Variants in NSD1 observed in about 807,000 individuals in gnomAD.
NSD1 encodes nuclear receptor binding SET domain protein 1, also known as histone-lysine N-methyltransferase, H3 lysine-36 specific.
A neutral mutation model predicts 242.7 loss-of-function variants in NSD1; 26 were observed. The ratio of observed to expected loss-of-function variants is 0.11; its 90% CI spans 0.08 to 0.15. NSD1 has a LOEUF of 0.15. Ranked by LOEUF, NSD1 falls within the 10% of genes least tolerant of loss-of-function variation. The pLI, the probability that NSD1 is intolerant of heterozygous loss-of-function variation, is 1.00. For synonymous variants in NSD1, 1,106 were observed against 1,178.1 expected, an observed-to-expected ratio of 0.94 and a Z score of 1.25; for missense variants, 2,495 against 3,272.8, an observed-to-expected ratio of 0.76 and a Z score of 5.80.
At chr5:177,219,019 A>G (rs1189373707) in intron 5 of NSD1, among the ~76,000 whole-genome samples, 1 of 151,724 alleles carries the variant, frequency 6.6e-6, no homozygotes, top group Non-Finnish European at 1.5e-5. Context: ...TCATTTCTAT[A>G]TGCTCTAGTC....
intron 2 of NSD1, among the ~76,000 whole-genome samples, chr5:177,158,948 A>G (rs140815084): frequency 2.1e-4 from 30 of 144,414 alleles, no homozygotes; most frequent in South Asian, 4.2e-4. Flanking sequence ...GTATATATAC[A>G]CACATATATA....
At chr5:177,136,977 A>T (rs560628660) in intron 2 of NSD1, 3 of 681,402 alleles carry the variant, frequency 4.4e-6, no homozygotes, top group Non-Finnish European at 8.0e-6. Flanking sequence ...TGAAGTGTGT[A>T]TGTGTATGTG....
Position 177,211,153 on chromosome 5 carries a change from T to C in NSD1, c.2754T>C (p.His918=), listed in dbSNP as rs1241737150. The change falls in exon 5 of 23, where the codon CAT becomes CAC. Residue 918 remains histidine (H), a synonymous_variant. Coordinates refer to ENST00000439151, the MANE Select transcript of NSD1 (RefSeq NM_022455.5). ...TGCTAATGATGTTGAAAGATATGCA[T>C]GATAGTAAGACGAAGGAGCAGCGGT... The part of the protein sequence containing the change: ...STLLMMLKDM[H]DSKTKEQRLM... The C allele has an allele frequency of 6.2e-7, 1 of 1,614,076 alleles. No homozygotes were observed. Among genetic ancestry groups the C allele is most frequent in the Non-Finnish European group, 8.5e-7 (1 of 1,180,026 alleles).
intron 21 of NSD1, 26 bp from the exon 22 acceptor site, chr5:177,291,928 C>T (rs1194601142): frequency 6.2e-7 from 1 of 1,604,634 alleles, no homozygotes; most frequent in South Asian, 1.1e-5. Context: ...TCACAGAATG[C>T]TGACTGTTCA....
intron 5 of NSD1, among the ~76,000 whole-genome samples, chr5:177,224,078 G>T (rs1476451765): frequency 6.6e-6 from 1 of 152,198 alleles, no homozygotes; most frequent in Non-Finnish European, 1.5e-5. Flanking sequence ...TAATTTTACT[G>T]TGTTTCTGAA....
At chr5:177,201,562 CTT>C (rs754318510) in intron 3 of NSD1, among the ~76,000 whole-genome samples, 7 of 127,264 alleles carry the variant, frequency 5.5e-5, no homozygotes, top group Admixed American at 8.0e-5. Context: ...TAACTGTTTA[CTT>C]TTTTTTTTTT....
At chr5:177,194,599 T>TC (rs1167890356) in intron 3 of NSD1, among the ~76,000 whole-genome samples, 1 of 145,646 alleles carries the variant, frequency 6.9e-6, no homozygotes, top group African/African-American at 2.7e-5. Flanking sequence ...TTTTTTTTTT[T>TC]TTTAAAAAGG....
intron 5 of NSD1, among the ~76,000 whole-genome samples, chr5:177,216,535 T>G (rs1165522449): frequency 2.0e-5 from 3 of 152,126 alleles, no homozygotes; most frequent in Non-Finnish European, 4.4e-5. Flanking sequence ...AGAGTTCATC[T>G]TCGTTCTTCA....
intron 2 of NSD1, among the ~76,000 whole-genome samples, chr5:177,143,698 T>TC: frequency 6.6e-6 from 1 of 152,272 alleles, no homozygotes; most frequent in Non-Finnish European, 1.5e-5. Flanking sequence ...AGAAGTCCCT[T>TC]AATGTCTCTA....
chr5:177,185,691 T>C (rs1236044851), intron 2 of NSD1, among the ~76,000 whole-genome samples: 1 of 118,078 alleles, frequency 8.5e-6, no homozygotes, highest in Non-Finnish European at 1.6e-5. Flanking sequence ...ATATATTTGT[T>C]TTTTATTATA....
chr5:177,238,932 T>C lies in NSD1; in HGVS notation c.4192+425T>C, dbSNP rs1304222414. ...ATAAATGGAGATCATAATGTATTAA[T>C]GTGTAATGTTATATACCTGACAACA... On this transcript the variant is annotated intron_variant, in intron 7 of 22. Transcript: ENST00000439151. The surrounding 1 kb of genome is among the most constrained non-coding windows in gnomAD (Gnocchi z 4.6). 1.3e-5 allele frequency among the ~76,000 whole-genome samples: 2 copies of C among 152,216 alleles called. No individual in the cohort carries two copies. The highest frequency in any genetic ancestry group is 2.1e-4 in the South Asian group (1 of 4,830).
chr5:177,209,586 C>T, intron 4 of NSD1, 50 bp from the exon 5 acceptor site: 2 of 1,390,098 alleles, frequency 1.4e-6, no homozygotes, highest in Non-Finnish European at 2.0e-6. Context: ...CCCTTTTCCC[C>T]CACCCATTTC....
rs1470206316 is a variant in NSD1, at chr5:177,155,013, CAG to C, written c.927+18986_927+18987del. Among the ~76,000 whole-genome samples the C allele has an allele frequency of 2.1e-5, 3 of 141,556 alleles. No homozygotes were observed. The Admixed American group carries it at 2.2e-4, about 10-fold the overall frequency. 92.9% of individuals were successfully genotyped at this position (141,556 alleles called of 152,430 possible). A position where few individuals can be genotyped will look rare whatever the true frequency, so the allele number is the denominator to read the frequency against. ...GCCCGGCAATTTTTTTTTTTTGAGT[CAG>C]AGTCTTGTTCTGTTGCCCAAGTTGG... On this transcript the variant is annotated intron_variant, in intron 2 of 22. Coordinates refer to ENST00000439151, the MANE Select transcript of NSD1 (RefSeq NM_022455.5).
chr5:177,172,490 A>G (rs929768829), intron 2 of NSD1, among the ~76,000 whole-genome samples: 31 of 152,328 alleles, frequency 2.0e-4, no homozygotes, highest in African/African-American at 7.2e-4. Flanking sequence ...GTGACTTTGA[A>G]GTAACATGAA....
rs748847060 is a variant in NSD1 at position 177,209,940 on chromosome 5, G to A, written c.1541G>A (p.Gly514Asp). Residue 514 changes from glycine (G) to aspartate (D), a missense_variant, in exon 5 of 23, where the codon GGC becomes GAC. Physicochemically the swap from Gly to Asp is moderately conservative, Grantham distance 94. Coordinates refer to ENST00000439151, the MANE Select transcript of NSD1 (RefSeq NM_022455.5). ...DNPKRTSVKKGHIQFEAHKDE... is the reference protein window; with the variant it reads ...DNPKRTSVKKDHIQFEAHKDE... ...CCAAAAAGGACTAGTGTGAAAAAGG[G>A]CCACATACAATTTGAAGCACATAAA... 6.2e-7 allele frequency: 1 copy of A among 1,613,934 alleles called. No individual in the cohort carries two copies.
intron 3 of NSD1, among the ~76,000 whole-genome samples, chr5:177,195,314 C>G (rs1334361132): frequency 6.6e-6 from 1 of 152,090 alleles, no homozygotes; most frequent in Non-Finnish European, 1.5e-5. Context: ...GAGACACTTT[C>G]TCTTTAATTC....
intron 14 of NSD1, among the ~76,000 whole-genome samples, chr5:177,262,658 C>T (rs1293252529): frequency 2.6e-5 from 4 of 152,192 alleles, no homozygotes; most frequent in Non-Finnish European, 5.9e-5. Flanking sequence ...GCAGGCGGAT[C>T]ACCTGAGGTC....
intron 2 of NSD1, among the ~76,000 whole-genome samples, chr5:177,176,583 C>T (rs188741482): frequency 3.3e-5 from 5 of 152,222 alleles, no homozygotes; most frequent in Admixed American, 2.6e-4. Context: ...AGGCACACAC[C>T]ACCACACCCG....
intron 2 of NSD1, among the ~76,000 whole-genome samples, chr5:177,160,886 A>C (rs192839524): frequency 6.6e-6 from 1 of 152,102 alleles, no homozygotes; most frequent in African/African-American, 2.4e-5. Flanking sequence ...CTCATGCCTC[A>C]GCCTCCCAAG....
Sources: allele counts gnomAD v4.1 joint callset (sites outside exome capture counted in the v4.1 genomes callset), GRCh38; gene constraint gnomAD v4.1.1; non-coding constraint Gnocchi (gnomAD v3.1); transcripts MANE v1.5; gene names NCBI Gene and HGNC (gene_info 2026-07-23, HGNC 2026-07-21).